OTUD7A: variants seen among roughly 807,000 people sequenced by gnomAD.
OTUD7A encodes the protein OTU domain-containing protein 7A.
In OTUD7A, 12 loss-of-function variants were observed where a neutral mutation model predicts 65.7. The ratio of observed to expected loss-of-function variants is 0.18; its 90% CI spans 0.12 to 0.30. The LOEUF is 0.30. Among genes scored for constraint, OTUD7A ranks in the 10% least tolerant of loss-of-function variants. The pLI, the probability that OTUD7A is intolerant of heterozygous loss-of-function variation, is 1.00. For missense variants in OTUD7A, 1,148 were observed against 1,304.8 expected (o/e 0.88, Z 1.85); for synonymous variants, 641 against 586.3 (o/e 1.09, Z -1.35).
rs148440298 is a variant in OTUD7A at position 31,763,892 on chromosome 15, G to C, written c.-100+106615C>G. Among the ~76,000 whole-genome samples the C allele has an allele frequency of 1.2e-4, 18 of 152,256 alleles. No individual in the cohort carries two copies. In the East Asian group the frequency reaches 3.1e-3, roughly 26 times the overall value. Reference sequence around the variant, plus strand: ...AGAGGCACAACATTTTTAAAGGAATGAAAGACAAGAACTGTTAACCCAGAA... The same window carrying C: ...AGAGGCACAACATTTTTAAAGGAATCAAAGACAAGAACTGTTAACCCAGAA... On this transcript the variant is annotated intron_variant, in intron 1 of 12. Coordinates refer to ENST00000307050, the MANE Select transcript of OTUD7A (RefSeq NM_001382637.1).
chr15:31,654,945 A>T (rs1891944757), intron 3 of OTUD7A, 151 bp downstream of exon 3: 1 of 843,004 alleles, frequency 1.2e-6, no homozygotes. Context: ...ATAATTAGTG[A>T]TAAAATTTTG....
chr15:31,523,602 C>T (rs1053961543), intron 8 of OTUD7A, among the ~76,000 whole-genome samples: 3 of 152,190 alleles, frequency 2.0e-5, no homozygotes, highest in Non-Finnish European at 2.9e-5. Context: ...TCGGGCAGCT[C>T]GCAGCATCCT....
chr15:31,624,293 A>C (rs1002533138), intron 3 of OTUD7A, among the ~76,000 whole-genome samples: 1 of 152,262 alleles, frequency 6.6e-6, no homozygotes, highest in Non-Finnish European at 1.5e-5. Context: ...AATCAGCAAA[A>C]TAATTCATGC....
At chr15:31,634,754 C>T (rs2032568194) in intron 3 of OTUD7A, among the ~76,000 whole-genome samples, 1 of 152,258 alleles carries the variant, frequency 6.6e-6, no homozygotes, top group African/African-American at 2.4e-5. Flanking sequence ...GCAGGGGCTG[C>T]CCCACACAGA....
chr15:31,721,134 C>T (rs1395852621), intron 1 of OTUD7A, among the ~76,000 whole-genome samples: 2 of 152,260 alleles, frequency 1.3e-5, no homozygotes, highest in East Asian at 1.9e-4. Flanking sequence ...ACGTATTTCT[C>T]GGATTGTATC....
chr15:31,765,667 C>A (rs936928245), intron 1 of OTUD7A: 120 of 713,748 alleles, frequency 1.7e-4, no homozygotes, highest in Middle Eastern at 7.8e-4. Flanking sequence ...TGACAGACTT[C>A]CTTTTGAGTA....
intron 5 of OTUD7A, among the ~76,000 whole-genome samples, chr15:31,551,899 G>A (rs183144920): frequency 6.6e-6 from 1 of 152,262 alleles, no homozygotes; most frequent in East Asian, 1.9e-4. Flanking sequence ...CCTCATCTTG[G>A]TTGTCCCCAA....
At chr15:31,750,214 C>A (rs1194753290) in intron 1 of OTUD7A, among the ~76,000 whole-genome samples, 1 of 151,898 alleles carries the variant, frequency 6.6e-6, no homozygotes, top group Non-Finnish European at 1.5e-5. Flanking sequence ...TCGAGACCAG[C>A]CTGGCCAACA....
chr15:31,660,935 A>G (rs951299753), intron 1 of OTUD7A, among the ~76,000 whole-genome samples: 5 of 152,250 alleles, frequency 3.3e-5, no homozygotes, highest in Admixed American at 2.6e-4. Context: ...GGCTCGGAGA[A>G]GGCACATGTG....
chr15:31,621,666 T>A (rs1414344611), intron 3 of OTUD7A, among the ~76,000 whole-genome samples: 1 of 152,164 alleles, frequency 6.6e-6, no homozygotes, highest in Non-Finnish European at 1.5e-5. Flanking sequence ...TGTCTCTGCA[T>A]GTGAGATGGA....
chr15:31,795,069 T>C (rs935000557), intron 1 of OTUD7A, among the ~76,000 whole-genome samples: 1 of 152,226 alleles, frequency 6.6e-6, no homozygotes, highest in Non-Finnish European at 1.5e-5. Flanking sequence ...ATATTACAAA[T>C]GAGACTATCC....
At chr15:31,825,207 T>C (rs60982469) in intron 1 of OTUD7A, among the ~76,000 whole-genome samples, 5,479 of 152,302 alleles carry the variant, frequency 0.036, 355 homozygotes, top group African/African-American at 0.12. Context: ...TATTAGTCCA[T>C]TTTCACACTG....
chr15:31,489,105 C>T (rs1381187559), intron 10 of OTUD7A, among the ~76,000 whole-genome samples: 1 of 152,172 alleles, frequency 6.6e-6, no homozygotes, highest in East Asian at 1.9e-4. Flanking sequence ...GCAGCCTGTC[C>T]CATAGTTCTA....
chr15:31,533,989 T>C (rs1363838015), intron 5 of OTUD7A, among the ~76,000 whole-genome samples: 1 of 152,196 alleles, frequency 6.6e-6, no homozygotes, highest in Non-Finnish European at 1.5e-5. Context: ...AAAGTATGTG[T>C]ATATAATGTA....
At chr15:31,659,045 A>G (rs12901870) in intron 1 of OTUD7A, among the ~76,000 whole-genome samples, 32,282 of 91,360 alleles carry the variant, frequency 0.35, 4,039 homozygotes, top group Middle Eastern at 0.47. Flanking sequence ...ATGAATGAAT[A>G]AATAAATAAA....
At chr15:31,703,092 C>T (rs1038965338) in intron 1 of OTUD7A, among the ~76,000 whole-genome samples, 2 of 151,952 alleles carry the variant, frequency 1.3e-5, no homozygotes, top group Non-Finnish European at 2.9e-5. Context: ...ACCTTGTATA[C>T]AGTAAAAATT....
chr15:31,503,660 T>C (rs779470205), intron 9 of OTUD7A, 31 bp downstream of exon 9: 3 of 1,613,790 alleles, frequency 1.9e-6, no homozygotes, highest in African/African-American at 2.7e-5. Flanking sequence ...TTCTGTGTCA[T>C]GAATACAACA....
intron 3 of OTUD7A, among the ~76,000 whole-genome samples, chr15:31,644,161 C>G (rs1181106306): frequency 6.6e-6 from 1 of 152,000 alleles, no homozygotes; most frequent in Non-Finnish European, 1.5e-5. Flanking sequence ...GCAGATGGCA[C>G]ACCTGGGGTT....
chr15:31,834,613 G>C (rs1427045662), intron 1 of OTUD7A, among the ~76,000 whole-genome samples: 1 of 152,182 alleles, frequency 6.6e-6, no homozygotes, highest in East Asian at 1.9e-4. Context: ...GTCTCAAGGT[G>C]TTGACAGAGA....
Sources: gnomAD v4.1 joint callset for allele counts (sites outside exome capture counted in the v4.1 genomes callset) on GRCh38, gnomAD v4.1.1 for gene constraint, MANE v1.5 for transcripts, NCBI Gene and HGNC (gene_info 2026-07-23, HGNC 2026-07-21) for gene names.